AP4S1: variants seen among roughly 807,000 people sequenced by gnomAD.
The protein encoded by AP4S1 is adaptor related protein complex 4 subunit sigma 1, also known as AP-4 complex subunit sigma-1.
AP4S1 carries 23 observed loss-of-function variants against 19.8 expected under a neutral mutation model. That is an observed-to-expected ratio of 1.16 (90% confidence interval 0.84 to 1.65). The LOEUF (loss-of-function observed/expected upper bound fraction) is 1.65. Ranked by LOEUF, AP4S1 falls within the 40% of genes most tolerant of loss-of-function variation. The pLI, the probability that AP4S1 is intolerant of heterozygous loss-of-function variation, is 0.00. For missense variants in AP4S1, 166 were observed against 172.8 expected, an observed-to-expected ratio of 0.96 and a Z score of 0.22; for synonymous variants, 46 against 54.1, an observed-to-expected ratio of 0.85 and a Z score of 0.66.
intron 5 of AP4S1, among the ~76,000 whole-genome samples, chr14:31,091,341 T>C (rs1888070752): frequency 1.3e-5 from 2 of 152,194 alleles, no homozygotes; most frequent in Middle Eastern, 3.2e-3. Context: ...CCTGTGCTTC[T>C]TAGCTCTGCC....
chr14:31,057,334 G>A (rs1886175483), intron 1 of AP4S1, among the ~76,000 whole-genome samples: 1 of 152,110 alleles, frequency 6.6e-6, no homozygotes, highest in South Asian at 2.1e-4. Flanking sequence ...TTTGAACCTG[G>A]AAGCAGCTCC....
chr14:31,080,677 A>C, intron 5 of AP4S1, 93 bp downstream of exon 5: 1 of 1,556,910 alleles, frequency 6.4e-7, no homozygotes, highest in Non-Finnish European at 8.9e-7. Context: ...ACTATTCAGC[A>C]GAGTCCAGAG....
At chr14:31,081,939 C>T (rs1030047981) in intron 5 of AP4S1, among the ~76,000 whole-genome samples, 14 of 151,936 alleles carry the variant, frequency 9.2e-5, no homozygotes, top group African/African-American at 1.5e-4. Context: ...TCAGATGATC[C>T]GCCTGCCTCA....
intron 3 of AP4S1, among the ~76,000 whole-genome samples, chr14:31,070,273 T>C (rs1886931458): frequency 6.6e-6 from 1 of 152,174 alleles, no homozygotes; most frequent in African/African-American, 2.4e-5. Context: ...ATTTTTATTT[T>C]TTTAAGAGAC....
At position 31,054,459 on chromosome 14, in the gene AP4S1, G is replaced by A. The variant is rs1010111734; in HGVS notation, c.-71-11667G>A. ...AGCATTTTGGGAGGCCGAGGTGGGC[G>A]GATCACAAGATCAGGAGTTTGGGGC... On this transcript the variant is annotated intron_variant, in intron 1 of 5. Transcript: ENST00000542754. Among the ~76,000 whole-genome samples, 22 of 152,210 alleles carry A rather than the reference G, an allele frequency of 1.4e-4. No individual in the cohort carries two copies. The East Asian group carries it at 3.9e-3, about 27-fold the overall frequency.
intron 1 of AP4S1, among the ~76,000 whole-genome samples, chr14:31,047,850 A>G (rs534520245): frequency 5.9e-4 from 90 of 152,044 alleles, no homozygotes; most frequent in African/African-American, 1.9e-3. Context: ...ACACCCGGTT[A>G]ATTTTAGTAG....
chr14:31,056,902 C>T (rs976718751), intron 1 of AP4S1, among the ~76,000 whole-genome samples: 1 of 152,038 alleles, frequency 6.6e-6, no homozygotes, highest in Non-Finnish European at 1.5e-5. Flanking sequence ...CTGGAAACCC[C>T]GCCTTTACAA....
chr14:31,079,442 G>A (rs1488333973), intron 4 of AP4S1, among the ~76,000 whole-genome samples: 4 of 151,882 alleles, frequency 2.6e-5, no homozygotes, highest in Admixed American at 2.0e-4. Context: ...GGAGGGACAC[G>A]GCTGCACATT....
intron 1 of AP4S1, among the ~76,000 whole-genome samples, chr14:31,043,241 A>G (rs1885212079): frequency 6.6e-6 from 1 of 152,054 alleles, no homozygotes; most frequent in African/African-American, 2.4e-5. Context: ...AAAAAAAGAA[A>G]GCAACACACA....
intron 1 of AP4S1, among the ~76,000 whole-genome samples, chr14:31,032,094 A>G (rs1377410028): frequency 1.3e-5 from 2 of 150,888 alleles, no homozygotes; most frequent in Admixed American, 6.6e-5. Context: ...AAAAAAAAGA[A>G]AAAAGAGCTG....
chr14:31,070,553 C>A (rs1349555956), intron 3 of AP4S1, among the ~76,000 whole-genome samples: 1 of 152,142 alleles, frequency 6.6e-6, no homozygotes, highest in Non-Finnish European at 1.5e-5. Flanking sequence ...TGGCTAGGAT[C>A]TTGGTTTCTA....
intron 1 of AP4S1, among the ~76,000 whole-genome samples, chr14:31,058,584 T>C (rs142283942): frequency 1.5e-3 from 223 of 149,786 alleles, no homozygotes; most frequent in African/African-American, 5.1e-3. Context: ...TGTTTAGAGA[T>C]AGGATCTTGC....
intron 1 of AP4S1, among the ~76,000 whole-genome samples, chr14:31,049,428 A>AAAAAAAAAAAATAT: frequency 1.7e-5 from 1 of 57,768 alleles, no homozygotes; most frequent in Non-Finnish European, 2.9e-5. Context: ...AAAAAAAAAA[A>AAAAAAAAAAAATAT]ATATATATAT....
intron 1 of AP4S1, among the ~76,000 whole-genome samples, chr14:31,038,635 C>T (rs1281139806): frequency 6.6e-6 from 1 of 152,146 alleles, no homozygotes; most frequent in Non-Finnish European, 1.5e-5. Context: ...AAGCCACATA[C>T]TAAATGAAAC....
intron 4 of AP4S1, chr14:31,073,294 T>G (rs182897584): frequency 2.4e-5 from 7 of 294,938 alleles, no homozygotes; most frequent in South Asian, 6.6e-5. Flanking sequence ...ATGGAGACCA[T>G]CCTGGCTAAT....
At chr14:31,076,096 T>C (rs918870870) in intron 4 of AP4S1, among the ~76,000 whole-genome samples, 1 of 152,228 alleles carries the variant, frequency 6.6e-6, no homozygotes, top group Admixed American at 6.5e-5. Context: ...ATTTCCAGTT[T>C]TTGGCTACTG....
chr14:31,054,158 A>G (rs1334121039), intron 1 of AP4S1, among the ~76,000 whole-genome samples: 1 of 152,216 alleles, frequency 6.6e-6, no homozygotes, highest in East Asian at 1.9e-4. Flanking sequence ...AGTAAGGTAT[A>G]GATTCTACCC....
intron 1 of AP4S1, among the ~76,000 whole-genome samples, chr14:31,038,183 T>A (rs1275572369): frequency 6.6e-6 from 1 of 152,186 alleles, no homozygotes; most frequent in Non-Finnish European, 1.5e-5. Flanking sequence ...GTTTTATTTA[T>A]TGCAAGTGGA....
At chr14:31,083,019 G>C (rs1887734017) in intron 5 of AP4S1, among the ~76,000 whole-genome samples, 4 of 152,132 alleles carry the variant, frequency 2.6e-5, no homozygotes, top group Admixed American at 2.6e-4. Flanking sequence ...AGTCTTACAA[G>C]ACTAGATATT....
Sources: allele counts gnomAD v4.1 joint callset (sites outside exome capture counted in the v4.1 genomes callset), GRCh38; gene constraint gnomAD v4.1.1; transcripts MANE v1.5; gene names NCBI Gene and HGNC (gene_info 2026-07-23, HGNC 2026-07-21).